TRNT1: variants seen among roughly 807,000 people sequenced by gnomAD.
TRNT1 encodes CCA tRNA nucleotidyltransferase 1, mitochondrial.
A neutral mutation model predicts 45.6 loss-of-function variants in TRNT1; 44 were observed. The ratio of observed to expected loss-of-function variants is 0.97; its 90% confidence interval spans 0.76 to 1.24. The LOEUF (loss-of-function observed/expected upper bound fraction) is 1.24, where lower values mean the gene tolerates loss of function less well. Ranked by LOEUF, TRNT1 falls within the 50% of genes most tolerant of loss-of-function variation. The pLI is 0.00. For missense variants in TRNT1, 633 were observed against 504.4 expected, an observed-to-expected ratio of 1.25 and a Z score of -2.44; for synonymous variants, 201 against 171.4, an observed-to-expected ratio of 1.17 and a Z score of -1.35.
chr3:3,144,755 C>G lies in TRNT1; in HGVS notation c.608+45C>G, dbSNP rs541781559. The G allele has an allele frequency of 8.9e-6, 13 of 1,458,226 alleles. No individual in the cohort carries two copies. In the East Asian group the frequency reaches 2.9e-4, roughly 32 times the overall value. 90.3% of individuals were successfully genotyped at this position (1,458,226 alleles called of 1,614,324 possible). A position where few individuals can be genotyped will look rare whatever the true frequency, so the allele number is the denominator to read the frequency against. On this transcript the variant is annotated intron_variant, in intron 5 of 7. Coordinates refer to ENST00000251607, the MANE Select transcript of TRNT1 (RefSeq NM_182916.3). ...AAAAATGATAGTTTTAATATCATGA[C>G]TAGAGCATAACAGTGGTCATACGAA... is the stretch of plus-strand genomic sequence containing the variant.
intron 4 of TRNT1, among the ~76,000 whole-genome samples, chr3:3,143,676 G>A (rs1232077171): frequency 6.7e-6 from 1 of 149,568 alleles, no homozygotes; most frequent in Admixed American, 6.7e-5. Flanking sequence ...TCAGGAGTTC[G>A]AGACCAGCCT....
chr3:3,150,292 T>TTTAACTAATTTTCAAAA (rs1706423685), downstream of TRNT1: 1 of 152,730 alleles, frequency 6.5e-6, no homozygotes, highest in Non-Finnish European at 1.5e-5. Context: ...AACTGCATAT[T>TTTAACTAATTTTCAAAA]TTAACTAATT....
At chr3:3,130,727 A>G (rs1456496134) in intron 2 of TRNT1, 1 of 152,094 alleles carries the variant, frequency 6.6e-6, no homozygotes, top group Non-Finnish European at 1.5e-5. Flanking sequence ...TACTATCAGT[A>G]TGAATTTTGT....
chr3:3,149,103 A>ACAT (rs1706284942), downstream of TRNT1: 1 of 152,096 alleles, frequency 6.6e-6, no homozygotes, highest in South Asian at 2.1e-4. Context: ...GCCAGTCATA[A>ACAT]CATCTTTGTA....
chr3:3,147,866 T>C, intron 7 of TRNT1, 40 bp from the exon 8 acceptor site: 3 of 1,584,288 alleles, frequency 1.9e-6, no homozygotes, highest in Non-Finnish European at 2.6e-6. Flanking sequence ...GTGTATGTTT[T>C]CATGTGTGAC....
chr3:3,133,293 T>C (rs1479136392), intron 2 of TRNT1, among the ~76,000 whole-genome samples: 1 of 152,126 alleles, frequency 6.6e-6, no homozygotes, highest in Non-Finnish European at 1.5e-5. Context: ...AGCTCATGCC[T>C]ATAATCTCCC....
intron 1 of TRNT1, among the ~76,000 whole-genome samples, chr3:3,128,801 A>T (rs982193966): frequency 6.6e-6 from 1 of 151,724 alleles, no homozygotes; most frequent in African/African-American, 2.4e-5. Flanking sequence ...CGCTAGTGAG[A>T]CCCCGCCTGC....
chr3:3,152,165 T>A (rs756345712), downstream of TRNT1, among the ~76,000 whole-genome samples: 2,245 of 151,194 alleles, frequency 0.015, 18 homozygotes, highest in Non-Finnish European at 0.022. Flanking sequence ...TTTTTTTTTT[T>A]AAATAGACAG....
chr3:3,135,790 T>C (rs77959796), intron 2 of TRNT1, among the ~76,000 whole-genome samples: 10,449 of 152,172 alleles, frequency 0.069, 688 homozygotes, highest in African/African-American at 0.17. Context: ...TGTTGCTGTC[T>C]GCTAGCCAAA....
intron 2 of TRNT1, among the ~76,000 whole-genome samples, chr3:3,134,504 A>C (rs2126012408): frequency 6.6e-6 from 1 of 152,250 alleles, no homozygotes; most frequent in Admixed American, 6.5e-5. Context: ...AGTAAATTTG[A>C]ACTTATCGTT....
chr3:3,137,404 T>G lies in TRNT1; in HGVS notation c.293T>G (p.Ile98Ser), dbSNP rs1428308057. The G allele has an allele frequency of 1.9e-6, 3 of 1,613,620 alleles. No individual in the cohort carries two copies. The highest frequency in any genetic ancestry group is 1.3e-5 in the African/African-American group (1 of 74,892). ...AAGGAGATGTTTCAGTCGGCTGGGA[T>G]TCGGATGATAAACAACAGAGGAGAA... is the stretch of plus-strand genomic sequence containing the variant. ...QMKEMFQSAGIRMINNRGEKH... is the reference protein window; with the variant it reads ...QMKEMFQSAGSRMINNRGEKH... Residue 98 changes from isoleucine (I) to serine (S), a missense_variant, in exon 3 of 8, where the codon ATT (isoleucine) becomes AGT (serine). Coordinates refer to ENST00000251607, the MANE Select transcript of TRNT1 (RefSeq NM_182916.3).
chr3:3,148,271 GAAC>G lies in TRNT1; in HGVS notation c.*123_*125del, dbSNP rs531240749. 2.7e-4 allele frequency: 287 copies of G among 1,050,164 alleles called. 1 individual carries two copies. The highest frequency in any genetic ancestry group is 1.2e-3 in the South Asian group (71 of 60,912). The allele number at this position is 1,050,164 out of a possible 1,614,324, so 65.1% of individuals were successfully genotyped here. A position where few individuals can be genotyped will look rare whatever the true frequency, so the allele number is the denominator to read the frequency against. On this transcript the variant is annotated 3_prime_UTR_variant, in exon 8 of 8. Transcript: ENST00000251607. Reference sequence around the variant, plus strand: ...AAAGACAGTTTAGGGGACCTCTGTAGAACAACAAGGGTCTTATTTTGTGAATTA... The same window carrying G: ...AAAGACAGTTTAGGGGACCTCTGTAGAACAAGGGTCTTATTTTGTGAATTA...
chr3:3,149,014 A>T lies in TRNT1; in HGVS notation c.*860A>T, dbSNP rs1172581003. The T allele has an allele frequency of 6.6e-6, 1 of 150,462 alleles. No individual in the cohort carries two copies. Among genetic ancestry groups the T allele is most frequent in the East Asian group, 2.0e-4 (1 of 4,928 alleles). 9.3% of individuals were successfully genotyped at this position (150,462 alleles called of 1,614,324 possible). ...TGCTTTCATCAGGTAAATAAAATGT[A>T]TAATACAAACTGTTTATTTCAGCTG... On this transcript the variant is annotated 3_prime_UTR_variant, in exon 8 of 8. Transcript: ENST00000251607.
chr3:3,141,058 CGA>C (rs1705617923), intron 4 of TRNT1, among the ~76,000 whole-genome samples: 1 of 152,050 alleles, frequency 6.6e-6, no homozygotes, highest in Non-Finnish European at 1.5e-5. Context: ...GGCAACAGAG[CGA>C]GACTCCATCT....
chr3:3,143,305 A>G (rs918364248), intron 4 of TRNT1, among the ~76,000 whole-genome samples: 3 of 152,214 alleles, frequency 2.0e-5, no homozygotes, highest in African/African-American at 7.2e-5. Context: ...ACCAGTATGA[A>G]GTGGTCACTC....
chr3:3,135,882 G>C (rs1345444135), intron 2 of TRNT1, among the ~76,000 whole-genome samples: 1 of 152,190 alleles, frequency 6.6e-6, no homozygotes, highest in African/African-American at 2.4e-5. Flanking sequence ...GCTGACACTG[G>C]AGAACCTGGA....
At chr3:3,149,243 T>C (rs1706297434), downstream of TRNT1, 1 of 152,078 alleles carries the variant, frequency 6.6e-6, no homozygotes, top group Non-Finnish European at 1.5e-5. Context: ...GGTCAGTAAT[T>C]AGATGCATTA....
At chr3:3,132,745 C>CAAATAGAAGAAAAAAAAAAAAAAA (rs1351707781) in intron 2 of TRNT1, among the ~76,000 whole-genome samples, 1 of 130,272 alleles carries the variant, frequency 7.7e-6, no homozygotes, top group Admixed American at 7.6e-5. Context: ...AAAAAAAAAA[C>CAAATAGAAGAAAAAAAAAAAAAAA]ACAAAAAAAA....
At position 3,144,549 on chromosome 3, in the gene TRNT1, A is replaced by G. The variant is rs368641529; in HGVS notation, c.482-35A>G. 3.7e-5 allele frequency: 58 copies of G among 1,555,216 alleles called. No homozygotes were observed. The South Asian group carries it at 4.1e-4, about 11-fold the overall frequency. ...TGTGTTTTCAAATTCTTATTTGCCA[A>G]TAGTGATTTTTCTCCCTCCTTTTCT... is the stretch of plus-strand genomic sequence containing the variant. On this transcript the variant is annotated intron_variant, in intron 4 of 7. Transcript: ENST00000251607.
Sources: allele counts gnomAD v4.1 joint callset (sites outside exome capture counted in the v4.1 genomes callset), GRCh38; gene constraint gnomAD v4.1.1; transcripts MANE v1.5; gene names NCBI Gene and HGNC (gene_info 2026-07-23, HGNC 2026-07-21).